TBC1D15: variants seen among roughly 807,000 people sequenced by gnomAD.
TBC1D15 encodes the protein TBC1 domain family member 15.
In TBC1D15, 39 loss-of-function variants were observed where a neutral mutation model predicts 95.4. The observed-to-expected ratio is 0.41, with a 90% CI of 0.32 to 0.53. The LOEUF is 0.53. Among genes scored for constraint, TBC1D15 ranks in the 20% least tolerant of loss-of-function variants. The pLI, the probability that TBC1D15 is intolerant of heterozygous loss-of-function variation, is 0.29. For synonymous variants in TBC1D15, 258 were observed against 261.3 expected, an observed-to-expected ratio of 0.99 and a Z score of 0.12; for missense variants, 733 against 794.3, an observed-to-expected ratio of 0.92 and a Z score of 0.93.
intron 1 of TBC1D15, among the ~76,000 whole-genome samples, chr12:71,867,949 A>G (rs1891836825): frequency 6.6e-6 from 1 of 152,252 alleles, no homozygotes; most frequent in African/African-American, 2.4e-5. Flanking sequence ...TTATGTACCA[A>G]TGCAACTATT....
chr12:71,886,060 G>A, intron 5 of TBC1D15, among the ~76,000 whole-genome samples: 1 of 152,218 alleles, frequency 6.6e-6, no homozygotes, highest in South Asian at 2.1e-4. Context: ...CCTGAACTGG[G>A]ATAGTGACAG....
chr12:71,861,369 G>T, intron 1 of TBC1D15: 1 of 1,193,182 alleles, frequency 8.4e-7, no homozygotes, highest in Non-Finnish European at 1.1e-6. Context: ...TTTCATTACT[G>T]ATTCAAACTT....
intron 3 of TBC1D15, among the ~76,000 whole-genome samples, chr12:71,874,664 C>T (rs1893407520): frequency 6.7e-6 from 1 of 148,910 alleles, no homozygotes; most frequent in African/African-American, 2.5e-5. Context: ...GCTCTGTCGC[C>T]CAGGCTGGAG....
intron 3 of TBC1D15, among the ~76,000 whole-genome samples, chr12:71,876,532 G>T (rs1893857982): frequency 6.6e-6 from 1 of 152,132 alleles, no homozygotes; most frequent in South Asian, 2.1e-4. Context: ...TTGCAGTGCA[G>T]CAGCTTTCCT....
At chr12:71,854,949 T>G in intron 1 of TBC1D15, 1 of 430,724 alleles carries the variant, frequency 2.3e-6, no homozygotes, top group Non-Finnish European at 4.6e-6. Context: ...TTTAAGACTT[T>G]ACATTTTGTG....
intron 1 of TBC1D15, chr12:71,849,595 C>A: frequency 3.2e-6 from 2 of 632,390 alleles, no homozygotes; most frequent in South Asian, 1.6e-5. Context: ...CTTTGTGAAT[C>A]ATCAGTCAGT....
intron 1 of TBC1D15, chr12:71,849,780 A>C: frequency 3.6e-6 from 2 of 551,716 alleles, no homozygotes; most frequent in Non-Finnish European, 7.1e-6. Context: ...AGGATCTCCA[A>C]AATTGACTCT....
chr12:71,840,812 C>A (rs1198503335), intron 1 of TBC1D15, among the ~76,000 whole-genome samples: 4 of 152,116 alleles, frequency 2.6e-5, no homozygotes, highest in African/African-American at 9.7e-5. Context: ...TTAGACTAGG[C>A]GGCTGAATGA....
chr12:71,844,392 A>C (rs1419255014), intron 1 of TBC1D15, among the ~76,000 whole-genome samples: 1 of 152,188 alleles, frequency 6.6e-6, no homozygotes, highest in Non-Finnish European at 1.5e-5. Context: ...TTTGGGTTTC[A>C]ATCATGCAGT....
At chr12:71,894,399 A>G (rs1897782197) in intron 6 of TBC1D15, 15 of 1,610,676 alleles carry the variant, frequency 9.3e-6, no homozygotes, top group Non-Finnish European at 1.3e-5. Flanking sequence ...ATGTTTTCTG[A>G]TGTATGCAGA....
intron 1 of TBC1D15, among the ~76,000 whole-genome samples, chr12:71,851,584 C>A (rs1887841206): frequency 6.6e-6 from 1 of 152,218 alleles, no homozygotes; most frequent in African/African-American, 2.4e-5. Context: ...TCCCAAGATT[C>A]AATGGGGTTA....
Position 71,856,536 on chromosome 12 carries a change from A to G in TBC1D15, c.31-15534A>G, listed in dbSNP as rs75429780. ...TCAATTTGCCAGATTCCTGATTGTA[A>G]TTTCCATTGACCTTTACCTTCTTGG... On this transcript the variant is annotated intron_variant, in intron 1 of 16. Coordinates refer to ENST00000485960, the MANE Select transcript of TBC1D15 (RefSeq NM_001146213.3). Among the ~76,000 whole-genome samples the G allele has an allele frequency of 9.0e-4, 137 of 151,908 alleles. 1 individual carries two copies. In the East Asian group the frequency reaches 0.02, roughly 22 times the overall value.
intron 1 of TBC1D15, among the ~76,000 whole-genome samples, chr12:71,847,325 A>G (rs929002155): frequency 2.0e-4 from 30 of 151,964 alleles, no homozygotes; most frequent in Admixed American, 1.5e-3. Flanking sequence ...CTGTTTTTGT[A>G]TGGCTTTCTT....
At chr12:71,904,894 C>T (rs1490124444) in intron 10 of TBC1D15, among the ~76,000 whole-genome samples, 1 of 152,128 alleles carries the variant, frequency 6.6e-6, no homozygotes, top group Non-Finnish European at 1.5e-5. Context: ...GATTGCCAAA[C>T]AGCATTCAGG....
intron 1 of TBC1D15, among the ~76,000 whole-genome samples, chr12:71,851,974 A>G (rs1412799980): frequency 6.6e-6 from 1 of 151,720 alleles, no homozygotes; most frequent in Middle Eastern, 3.2e-3. Context: ...CCGATACTAC[A>G]TTTCTCCTCC....
At chr12:71,917,192 G>T (rs1175384806) in intron 12 of TBC1D15, among the ~76,000 whole-genome samples, 2 of 152,188 alleles carry the variant, frequency 1.3e-5, no homozygotes, top group East Asian at 3.9e-4. Flanking sequence ...ACTTGTGAAA[G>T]AATTTAAGTA....
intron 10 of TBC1D15, among the ~76,000 whole-genome samples, chr12:71,899,361 G>A (rs1214615302): frequency 1.3e-5 from 2 of 152,136 alleles, no homozygotes; most frequent in Non-Finnish European, 2.9e-5. Context: ...GTTGTCTTAA[G>A]CCATCTATCT....
At position 71,872,141 on chromosome 12, in the gene TBC1D15, T is replaced by A. The variant is rs751251502; in HGVS notation, c.102T>A (p.Ile34=). Residue 34 remains isoleucine (I), a synonymous_variant, in exon 2 of 17, where the codon ATT becomes ATA. Transcript: ENST00000485960. ...AGACCAATGACCAAGACGGCTTGAT[T>A]TCAGGAATATTACGTGTTTTAGAAA... ...CGKTNDQDGL[I]SGILRVLEKD... is the part of the protein sequence containing the mutation. The A allele has an allele frequency of 6.3e-6, 10 of 1,578,390 alleles. No homozygotes were observed. Among genetic ancestry groups the A allele is most frequent in the Non-Finnish European group, 8.6e-6 (10 of 1,164,068 alleles).
chr12:71,850,183 T>G, intron 1 of TBC1D15: 2 of 573,618 alleles, frequency 3.5e-6, no homozygotes, highest in Non-Finnish European at 6.8e-6. Context: ...CATTACATAG[T>G]GAAATCTCAA....
Sources: allele counts gnomAD v4.1 joint callset (sites outside exome capture counted in the v4.1 genomes callset), GRCh38; gene constraint gnomAD v4.1.1; transcripts MANE v1.5; gene names NCBI Gene and HGNC (gene_info 2026-07-23, HGNC 2026-07-21).